ARHGEF3: variants seen among roughly 807,000 people sequenced by gnomAD.
ARHGEF3 encodes Rho guanine nucleotide exchange factor 3.
A neutral mutation model predicts 63.2 loss-of-function variants in ARHGEF3; 28 were observed. The observed-to-expected ratio is 0.44, with a 90% CI of 0.33 to 0.61. The LOEUF is 0.61. Ranked by LOEUF, ARHGEF3 falls within the 20% of genes least tolerant of loss-of-function variation. The pLI is 0.03. For missense variants in ARHGEF3, 533 were observed against 659.3 expected (o/e 0.81, Z 2.10); for synonymous variants, 266 against 254.2 (o/e 1.05, Z -0.44).
chr3:56,870,708 T>C (rs1279748759), intron 4 of ARHGEF3, among the ~76,000 whole-genome samples: 1 of 152,132 alleles, frequency 6.6e-6, no homozygotes, highest in Non-Finnish European at 1.5e-5. Context: ...GGGGAGACTA[T>C]GTATACATCG....
intron 2 of ARHGEF3, among the ~76,000 whole-genome samples, chr3:57,014,706 A>T (rs1376581905): frequency 2.0e-5 from 3 of 149,816 alleles, no homozygotes; most frequent in African/African-American, 7.4e-5. Flanking sequence ...TTTGAGACAG[A>T]GTCTCGCTGT....
intron 7 of ARHGEF3, 57 bp from the exon 8 acceptor site, chr3:56,737,412 A>T: frequency 6.9e-7 from 1 of 1,450,382 alleles, no homozygotes; most frequent in Non-Finnish European, 9.5e-7. Context: ...CATTCACACC[A>T]AGTCTTAGGG....
At chr3:56,872,006 T>C (rs1381821626) in intron 4 of ARHGEF3, among the ~76,000 whole-genome samples, 1 of 152,150 alleles carries the variant, frequency 6.6e-6, no homozygotes, top group East Asian at 1.9e-4. Context: ...CTTATTCTTA[T>C]CATATCACTG....
chr3:57,066,972 G>A (rs1354864362), intron 1 of ARHGEF3, among the ~76,000 whole-genome samples: 11 of 152,084 alleles, frequency 7.2e-5, no homozygotes, highest in Non-Finnish European at 4.4e-5. Flanking sequence ...ATAGATAGAT[G>A]AGCGATTGAT....
At chr3:57,023,611 T>G (rs1358236401) in intron 2 of ARHGEF3, among the ~76,000 whole-genome samples, 1 of 152,168 alleles carries the variant, frequency 6.6e-6, no homozygotes, top group East Asian at 1.9e-4. Context: ...CCCAGAGGAC[T>G]CCCAGGCCCC....
chr3:56,742,636 T>A (rs558666911), intron 7 of ARHGEF3, among the ~76,000 whole-genome samples: 3 of 152,216 alleles, frequency 2.0e-5, no homozygotes, highest in Middle Eastern at 3.4e-3. Flanking sequence ...TCTGTTCATG[T>A]GGGGTAATGA....
At chr3:57,075,074 CCAT>C (rs2107422280) in intron 1 of ARHGEF3, 1 of 167,210 alleles carries the variant, frequency 6.0e-6, no homozygotes, top group South Asian at 2.1e-4. Flanking sequence ...ACATTGGGCT[CCAT>C]ATGCATGGAA....
chr3:56,986,198 C>T (rs910086944), intron 2 of ARHGEF3, among the ~76,000 whole-genome samples: 6 of 152,304 alleles, frequency 3.9e-5, no homozygotes, highest in African/African-American at 1.4e-4. Context: ...AACAAAAAAT[C>T]AGGAAGTGCA....
At chr3:56,787,498 G>A (rs6787564) in intron 1 of ARHGEF3, among the ~76,000 whole-genome samples, 100,675 of 151,502 alleles carry the variant, frequency 0.66, 34,548 homozygotes, top group East Asian at 0.93. Flanking sequence ...AGGAGGCACT[G>A]AGAGCCATGG....
rs541374249 is a variant in ARHGEF3 at position 56,750,342 on chromosome 3, A to C, written c.612+714T>G. On this transcript the variant is annotated intron_variant, in intron 6 of 9. Coordinates refer to ENST00000296315, the MANE Select transcript of ARHGEF3 (RefSeq NM_019555.3). ...AACTTTAAGTACACAATAAAACACA[A>C]ATCCAGCCCCAGGATCATAAATTTA... Among the ~76,000 whole-genome samples, 141 of 152,264 alleles carry C rather than the reference A, an allele frequency of 9.3e-4. 6 individuals are homozygous for C. The South Asian group carries it at 0.029, about 31-fold the overall frequency.
At chr3:56,909,484 A>G (rs967832789) in intron 3 of ARHGEF3, among the ~76,000 whole-genome samples, 3 of 152,174 alleles carry the variant, frequency 2.0e-5, no homozygotes, top group South Asian at 4.1e-4. Context: ...TGCCTCCATC[A>G]ACTCTCCCTT....
rs115133444 is a variant in ARHGEF3 at position 56,914,132 on chromosome 3, G to A, written c.130-31778C>T. Among the ~76,000 whole-genome samples the A allele has an allele frequency of 2.8e-3, 432 of 152,314 alleles. 3 individuals are homozygous for A. The highest frequency in any genetic ancestry group is 0.01 in the African/African-American group (416 of 41,568). On this transcript the variant is annotated intron_variant, in intron 3 of 12. Transcript: ENST00000338458. ...GGACTTTGGGGACTTGAGGGGAAGG[G>A]TGAGAGAGGAGTGAGGGATAAAAGA...
At chr3:56,839,135 T>C (rs1287289427) in intron 4 of ARHGEF3, among the ~76,000 whole-genome samples, 2 of 148,680 alleles carry the variant, frequency 1.3e-5, no homozygotes, top group Non-Finnish European at 3.0e-5. Flanking sequence ...TGAGACCTTG[T>C]CTCAAAAAAA....
At chr3:57,068,810 T>C (rs752385999) in intron 1 of ARHGEF3, among the ~76,000 whole-genome samples, 14 of 152,052 alleles carry the variant, frequency 9.2e-5, no homozygotes, top group Non-Finnish European at 1.6e-4. Context: ...TAACTTTCCA[T>C]GTGCACACAC....
chr3:57,015,116 A>C (rs1486440700), intron 2 of ARHGEF3, among the ~76,000 whole-genome samples: 1 of 152,088 alleles, frequency 6.6e-6, no homozygotes, highest in African/African-American at 2.4e-5. Flanking sequence ...GCCGTCTGCC[A>C]GTTTACATAA....
intron 2 of ARHGEF3, among the ~76,000 whole-genome samples, chr3:57,014,196 A>C (rs1702854398): frequency 6.6e-6 from 1 of 152,168 alleles, no homozygotes; most frequent in Admixed American, 6.6e-5. Context: ...ACCCACCAGA[A>C]GGAAAAAACT....
At chr3:56,862,979 C>T (rs145706181) in intron 4 of ARHGEF3, among the ~76,000 whole-genome samples, 2 of 152,256 alleles carry the variant, frequency 1.3e-5, no homozygotes, top group Non-Finnish European at 2.9e-5. Context: ...AATTAAAGAC[C>T]GGTCTTGTTT....
chr3:56,780,514 G>A (rs1487523996), intron 1 of ARHGEF3, among the ~76,000 whole-genome samples: 2 of 152,164 alleles, frequency 1.3e-5, no homozygotes, highest in East Asian at 3.8e-4. Context: ...TATTAACAGA[G>A]TTATTGGGAT....
intron 4 of ARHGEF3, among the ~76,000 whole-genome samples, chr3:56,810,526 C>CA (rs1286205906): frequency 1.3e-5 from 2 of 151,532 alleles, no homozygotes; most frequent in African/African-American, 4.8e-5. Flanking sequence ...GACTGAGTCT[C>CA]AAAAACAAAA....
Sources: gnomAD v4.1 joint callset for allele counts (sites outside exome capture counted in the v4.1 genomes callset) on GRCh38, gnomAD v4.1.1 for gene constraint, MANE v1.5 for transcripts, NCBI Gene and HGNC (gene_info 2026-07-23, HGNC 2026-07-21) for gene names.